The following TNIP1 variants were observed in gnomAD, a reference collection of about 807,000 sequenced individuals.
The protein encoded by TNIP1 is TNFAIP3-interacting protein 1.
TNIP1 carries 22 observed loss-of-function variants against 86.6 expected under a neutral mutation model. The ratio of observed to expected loss-of-function variants is 0.25; its 90% CI spans 0.18 to 0.36. The LOEUF (loss-of-function observed/expected upper bound fraction) is 0.36, where lower values mean the gene tolerates loss of function less well. Ranked by LOEUF, TNIP1 falls within the 10% of genes least tolerant of loss-of-function variation. The pLI is 1.00. For synonymous variants in TNIP1, 294 were observed against 313.0 expected, an observed-to-expected ratio of 0.94 and a Z score of 0.64; for missense variants, 709 against 820.6, an observed-to-expected ratio of 0.86 and a Z score of 1.66.
rs762849048 is a variant in TNIP1, at chr5:151,042,925, G to A, written c.973C>T (p.Arg325Trp). Residue 325 changes from arginine (R) to tryptophan (W), a missense_variant, in exon 10 of 18, where the codon CGG becomes TGG. Coordinates refer to ENST00000521591, the MANE Select transcript of TNIP1 (RefSeq NM_006058.5). Reference sequence around the variant, plus strand: ...TGCTCATACTGCTGCTTCATGGACCGGAAATGCTGGTCCCACTGCTTGTTC... The same window carrying A: ...TGCTCATACTGCTGCTTCATGGACCAGAAATGCTGGTCCCACTGCTTGTTC... ...EVNKQWDQHF[R>W]SMKQQYEQKI... The A allele has an allele frequency of 1.1e-5, 18 of 1,614,070 alleles. No homozygotes were observed. The highest frequency in any genetic ancestry group is 5.5e-5 in the South Asian group (5 of 91,086).
chr5:151,055,281 A>G (rs910922854), intron 6 of TNIP1, among the ~76,000 whole-genome samples: 3 of 152,216 alleles, frequency 2.0e-5, no homozygotes, highest in African/African-American at 7.2e-5. Context: ...ACAAACTATG[A>G]TAAGAGCTAA....
chr5:151,050,102 T>C (rs563424120), intron 7 of TNIP1, among the ~76,000 whole-genome samples, 155 bp from the exon 8 acceptor site: 15 of 152,188 alleles, frequency 9.9e-5, no homozygotes, highest in Non-Finnish European at 2.2e-4. Flanking sequence ...AAAAAGGGCA[T>C]CTTCAGCTAC....
chr5:151,059,866 T>TGCGCGCGC (rs72220408), intron 5 of TNIP1, among the ~76,000 whole-genome samples: 4 of 82,698 alleles, frequency 4.8e-5, no homozygotes, highest in African/African-American at 1.0e-4. Flanking sequence ...TGTGTGTGTG[T>TGCGCGCGC]GCGCGCGCGC....
intron 16 of TNIP1, chr5:151,032,682 A>C (rs895324733): frequency 1.3e-5 from 5 of 372,766 alleles, no homozygotes; most frequent in Non-Finnish European, 2.4e-5. Flanking sequence ...GTGTACCAAG[A>C]AGGGTCATAT....
At chr5:151,066,085 T>C (rs10057917) in intron 1 of TNIP1, among the ~76,000 whole-genome samples, 15,114 of 152,068 alleles carry the variant, frequency 0.099, 1,667 homozygotes, top group African/African-American at 0.28. Context: ...TATCAGCAAA[T>C]AAAACAGACA....
At chr5:151,046,064 A>G (rs951504772) in intron 8 of TNIP1, 114 bp from the exon 9 acceptor site, 105 of 863,546 alleles carry the variant, frequency 1.2e-4, no homozygotes, top group Non-Finnish European at 1.2e-4. Flanking sequence ...CTGTCTCCCT[A>G]TTCCTCCCAC....
chr5:151,059,520 A>G (rs1265578748), intron 5 of TNIP1, among the ~76,000 whole-genome samples: 1 of 152,202 alleles, frequency 6.6e-6, no homozygotes, highest in Admixed American at 6.5e-5. Flanking sequence ...AGGGATCAAT[A>G]TATCAGTGAA....
intron 1 of TNIP1, among the ~76,000 whole-genome samples, chr5:151,076,100 A>G (rs78961323): frequency 0.09 from 13,744 of 152,242 alleles, 1,389 homozygotes; most frequent in African/African-American, 0.25. Flanking sequence ...GCTGCTGCTC[A>G]CCAGTCATCC....
intron 1 of TNIP1, among the ~76,000 whole-genome samples, chr5:151,086,704 A>C (rs1028207875): frequency 6.6e-6 from 1 of 152,210 alleles, no homozygotes; most frequent in Non-Finnish European, 1.5e-5. Context: ...ACCCACATCC[A>C]TATTCACACT....
intron 5 of TNIP1, 127 bp from the exon 6 acceptor site, chr5:151,057,084 G>A: frequency 9.6e-7 from 1 of 1,038,068 alleles, no homozygotes; most frequent in East Asian, 3.2e-5. Context: ...CTCAGCCCCG[G>A]GAAATTCTCC....
At chr5:151,075,339 T>G (rs1193303335) in intron 1 of TNIP1, among the ~76,000 whole-genome samples, 1 of 152,168 alleles carries the variant, frequency 6.6e-6, no homozygotes, top group African/African-American at 2.4e-5. Flanking sequence ...TTTACTGTAT[T>G]GTTTGCTTTT....
chr5:151,051,925 C>T (rs1342549984), intron 7 of TNIP1, among the ~76,000 whole-genome samples: 1 of 152,164 alleles, frequency 6.6e-6, no homozygotes, highest in African/African-American at 2.4e-5. Flanking sequence ...GAAGTACAAT[C>T]TATGCTGACC....
At chr5:151,078,206 T>C (rs935067339) in intron 1 of TNIP1, among the ~76,000 whole-genome samples, 1 of 152,226 alleles carries the variant, frequency 6.6e-6, no homozygotes, top group Non-Finnish European at 1.5e-5. Context: ...TCAAGAACAC[T>C]GCATGGCACT....
chr5:151,037,528 T>G (rs1287632013), intron 12 of TNIP1: 1 of 152,192 alleles, frequency 6.6e-6, no homozygotes, highest in Non-Finnish European at 1.5e-5. Flanking sequence ...TTTCTAACAC[T>G]GAAAATGGGC....
chr5:151,082,900 A>C (rs1764128070), upstream of TNIP1, among the ~76,000 whole-genome samples: 1 of 152,214 alleles, frequency 6.6e-6, no homozygotes, highest in Admixed American at 6.5e-5. Context: ...CCACCCTGTT[A>C]GAGACCATGG....
At chr5:151,056,556 C>G (rs1760682099) in intron 6 of TNIP1, among the ~76,000 whole-genome samples, 1 of 152,032 alleles carries the variant, frequency 6.6e-6, no homozygotes, top group African/African-American at 2.4e-5. Context: ...ATTGCCCATC[C>G]CGTATTTCCC....
chr5:151,087,269 CAT>C (rs1053234860), upstream of TNIP1: 5 of 152,556 alleles, frequency 3.3e-5, no homozygotes, highest in Admixed American at 1.3e-4. Context: ...GCTGAGGCCC[CAT>C]CCTGCCCGCT....
In TNIP1 at chr5:151,062,132, A is replaced by G; in HGVS notation, c.352T>C (p.Ser118Pro). The change falls in exon 4 of 18, where the codon TCC (serine) becomes CCC (proline). Residue 118 changes from serine to proline, a missense_variant. By Grantham distance (74) the Ser-to-Pro change is moderately conservative (BLOSUM62 -1). Coordinates refer to ENST00000521591, the MANE Select transcript of TNIP1 (RefSeq NM_006058.5). Reference sequence around the variant, plus strand: ...TGACTCCAAATAAAACTTACACTGGATGGAGGCTTCTGGACTGGTGCTGGC... The same window carrying G: ...TGACTCCAAATAAAACTTACACTGGGTGGAGGCTTCTGGACTGGTGCTGGC... ...DKPAPVQKPP[S>P]SGTSSEFEVV... The G allele has an allele frequency of 6.2e-7, 1 of 1,614,050 alleles. No homozygotes were observed. The highest frequency in any genetic ancestry group is 1.1e-5 in the South Asian group (1 of 91,078).
intron 9 of TNIP1, among the ~76,000 whole-genome samples, chr5:151,043,790 A>G (rs1464949152): frequency 1.3e-5 from 2 of 151,980 alleles, no homozygotes; most frequent in East Asian, 3.8e-4. Flanking sequence ...AAAAAAAAGA[A>G]AAGAAAAAAA....
Sources: allele counts gnomAD v4.1 joint callset (sites outside exome capture counted in the v4.1 genomes callset), GRCh38; gene constraint gnomAD v4.1.1; transcripts MANE v1.5; gene names NCBI Gene and HGNC (gene_info 2026-07-23, HGNC 2026-07-21).